Variants in STARD3 observed in about 807,000 individuals in gnomAD.
STARD3 encodes StAR related lipid transfer domain containing 3, also known as stAR-related lipid transfer protein 3.
STARD3 carries 39 observed loss-of-function variants against 62.0 expected under a neutral mutation model. The observed-to-expected ratio is 0.63, with a 90% confidence interval of 0.49 to 0.82. The LOEUF (loss-of-function observed/expected upper bound fraction) is 0.82, where lower values mean the gene tolerates loss of function less well. Among genes scored for constraint, STARD3 ranks in the 40% least tolerant of loss-of-function variants. The pLI is 0.00. For missense variants in STARD3, 543 were observed against 584.5 expected, an observed-to-expected ratio of 0.93 and a Z score of 0.73; for synonymous variants, 229 against 242.4, an observed-to-expected ratio of 0.94 and a Z score of 0.51.
At chr17:39,662,415 C>T in intron 14 of STARD3, 71 bp downstream of exon 14, 1 of 1,470,470 alleles carries the variant, frequency 6.8e-7, no homozygotes, top group Non-Finnish European at 9.4e-7. Flanking sequence ...TTGGTTGCTG[C>T]ATGACTTTGG....
chr17:39,660,324 C>T lies in STARD3; in HGVS notation c.858+51C>T, dbSNP rs2057181823. 1.2e-6 allele frequency: 2 copies of T among 1,612,972 alleles called. No homozygotes were observed. Among genetic ancestry groups the T allele is most frequent in the Non-Finnish European group, 1.7e-6 (2 of 1,179,420 alleles). On this transcript the variant is annotated intron_variant, in intron 10 of 14. Transcript: ENST00000336308. This position sits in a 1 kb window ranked among gnomAD's most constrained non-coding sequence, Gnocchi z 4.8. ...GAGCCCCAGACAGCACAGGAGGCTC[C>T]AGGAAGGTGCCGAGGGGCCCTCTGG...
chr17:39,650,669 C>T (rs1207415404), intron 1 of STARD3, among the ~76,000 whole-genome samples: 1 of 152,090 alleles, frequency 6.6e-6, no homozygotes, highest in Non-Finnish European at 1.5e-5. Context: ...AATGAATTAG[C>T]CTGGTGTGGT....
At chr17:39,653,342 T>G in intron 1 of STARD3, 139 bp from the exon 2 acceptor site, 1 of 624,688 alleles carries the variant, frequency 1.6e-6, no homozygotes, top group Non-Finnish European at 2.8e-6. Flanking sequence ...GTGGAGGACA[T>G]TTGGGCAACA....
chr17:39,662,602 C>G, intron 14 of STARD3: 4 of 640,092 alleles, frequency 6.2e-6, no homozygotes, highest in Non-Finnish European at 1.1e-5. Flanking sequence ...CCGGCCCCAC[C>G]CTGGTCTGTT....
At position 39,660,929 on chromosome 17, in the gene STARD3, C is replaced by T; in HGVS notation, c.1034+40C>T. ...GGCCCCCTCCTTTCAGCCAGGTCTTCTGCACTTTGGCCTTGGGTCATTGTC... is the reference window on the plus strand; with the variant it reads ...GGCCCCCTCCTTTCAGCCAGGTCTTTTGCACTTTGGCCTTGGGTCATTGTC... On this transcript the variant is annotated intron_variant, in intron 12 of 14. Coordinates refer to ENST00000336308, the MANE Select transcript of STARD3 (RefSeq NM_006804.4). This position sits in a 1 kb window ranked among gnomAD's most constrained non-coding sequence, Gnocchi z 4.8. 6.2e-7 allele frequency: 1 copy of T among 1,610,126 alleles called. No homozygotes were observed. Among genetic ancestry groups the T allele is most frequent in the South Asian group, 1.1e-5 (1 of 90,926 alleles).
Position 39,662,704 on chromosome 17 carries a change from C to T in STARD3, c.1234-100C>T, listed in dbSNP as rs2057213389. ...ACCCAGGCTGGATTCCAGAGCTGCA[C>T]CTGCATTCTGGCCCAGAGCCCCCCT... is the stretch of plus-strand genomic sequence containing the variant. On this transcript the variant is annotated intron_variant, in intron 14 of 14. Coordinates refer to ENST00000336308, the MANE Select transcript of STARD3 (RefSeq NM_006804.4). 7.7e-6 allele frequency: 9 copies of T among 1,163,866 alleles called. No individual in the cohort carries two copies. In the East Asian group the frequency reaches 2.0e-4, roughly 26 times the overall value. 72.1% of individuals were successfully genotyped at this position (1,163,866 alleles called of 1,614,324 possible). A position where few individuals can be genotyped will look rare whatever the true frequency, so the allele number is the denominator to read the frequency against.
At position 39,663,091 on chromosome 17, in the gene STARD3, G is replaced by C. The variant is rs558215495; in HGVS notation, c.*183G>C. The C allele has an allele frequency of 5.0e-5, 29 of 574,648 alleles. No individual in the cohort carries two copies. The highest frequency in any genetic ancestry group is 7.4e-5 in the Non-Finnish European group (26 of 349,754). The allele number at this position is 574,648 out of a possible 1,614,324, so 35.6% of individuals were successfully genotyped here. A position where few individuals can be genotyped will look rare whatever the true frequency, so the allele number is the denominator to read the frequency against. On this transcript the variant is annotated 3_prime_UTR_variant, in exon 15 of 15. Transcript: ENST00000336308. The stretch of plus-strand genomic sequence containing the variant: ...GCTGTGGGGTGGAGCACTGGACTCC[G>C]GGGCCCCACTGGCTGGAGGAAGTGG...
chr17:39,654,656 C>T (rs1047474698), intron 2 of STARD3, among the ~76,000 whole-genome samples: 1 of 152,208 alleles, frequency 6.6e-6, no homozygotes, highest in Non-Finnish European at 1.5e-5. Flanking sequence ...AGTTCTGTCC[C>T]AGCTCCTCCT....
In STARD3 at chr17:39,658,836, TGG is replaced by T; in HGVS notation, c.646+20_646+21del. On this transcript the variant is annotated intron_variant, in intron 7 of 14. Transcript: ENST00000336308. ...TCCTTTGCAGGTGAGGGCTGGTGTG[TGG>T]GGGAACTGCTTTCAGGGAGGGGCCT... is the stretch of plus-strand genomic sequence containing the variant. 6.2e-7 allele frequency: 1 copy of T among 1,612,856 alleles called. No homozygotes were observed. Among genetic ancestry groups the T allele is most frequent in the Middle Eastern group, 1.7e-4 (1 of 6,058 alleles).
chr17:39,658,084 T>C lies in STARD3; in HGVS notation c.429+58T>C, dbSNP rs1479331581. The C allele has an allele frequency of 2.0e-6, 3 of 1,519,656 alleles. 1 individual carries two copies. In the South Asian group the frequency reaches 3.6e-5, roughly 18 times the overall value. 94.1% of individuals were successfully genotyped at this position (1,519,656 alleles called of 1,614,324 possible). Reference sequence around the variant, plus strand: ...GCATCAGACCTGAGTGGTATGCTTCTAGAGAGGAGCATTTCTCTAATTTGG... The same window carrying C: ...GCATCAGACCTGAGTGGTATGCTTCCAGAGAGGAGCATTTCTCTAATTTGG... On this transcript the variant is annotated intron_variant, in intron 5 of 14. Coordinates refer to ENST00000336308, the MANE Select transcript of STARD3 (RefSeq NM_006804.4).
rs374796200 is a variant in STARD3 at position 39,660,797 on chromosome 17, T to C, written c.955-13T>C. 96 of 1,568,152 alleles carry C rather than the reference T, an allele frequency of 6.1e-5. No homozygotes were observed. In the African/African-American group the frequency reaches 1.3e-3, roughly 20 times the overall value. The stretch of plus-strand genomic sequence containing the variant: ...GGCGACCTGTTCCAAAAGTCTCCGT[T>C]GACGGCCCTCAGATCCTGCAGCGAG... On this transcript the variant is annotated splice_polypyrimidine_tract_variant and intron_variant, in intron 11 of 14. Transcript: ENST00000336308. This position sits in a 1 kb window ranked among gnomAD's most constrained non-coding sequence, Gnocchi z 4.8.
rs748542443 is a variant in STARD3, at chr17:39,662,849, A to G, written c.1279A>G (p.Met427Val). 2 of 1,612,330 alleles carry G rather than the reference A, an allele frequency of 1.2e-6. No homozygotes were observed. The highest frequency in any genetic ancestry group is 1.7e-5 in the Admixed American group (1 of 59,874). Residue 427 changes from methionine to valine, a missense_variant, in exon 15 of 15, where the codon ATG (methionine) becomes GTG (valine). Met to Val is a conservative substitution (Grantham distance 21). Transcript: ENST00000336308. The stretch of plus-strand genomic sequence containing the variant: ...CATCCACCAGAGCCTCGCGGCCACC[A>G]TGTTTGAATTTGCCTTTCACCTGCG... ...YLIHQSLAAT[M>V]FEFAFHLRQR...
At chr17:39,639,995 C>T (rs944224662) in intron 1 of STARD3, among the ~76,000 whole-genome samples, 1 of 152,214 alleles carries the variant, frequency 6.6e-6, no homozygotes, top group Non-Finnish European at 1.5e-5. Flanking sequence ...CTGATCACAG[C>T]ATGGTATTAT....
In STARD3 at chr17:39,663,273, A is replaced by G. The variant is rs2057221820; in HGVS notation, c.*365A>G. The G allele has an allele frequency of 5.0e-6, 2 of 396,522 alleles. No homozygotes were observed. The highest frequency in any genetic ancestry group is 4.4e-5 in the Admixed American group (1 of 22,664). 24.6% of individuals were successfully genotyped at this position (396,522 alleles called of 1,614,324 possible). On this transcript the variant is annotated 3_prime_UTR_variant, in exon 15 of 15. Transcript: ENST00000336308. ...AGGGCAGCCTGTCACCCGTGTGAAG[A>G]TGAAGGGGCTCTTCATCTGCCTGCG...
rs200708532 is a variant in STARD3 at position 39,661,070 on chromosome 17, C to T, written c.1124C>T (p.Thr375Met). Residue 375 changes from threonine to methionine, a missense_variant, in exon 13 of 15, where the codon ACG (threonine) becomes ATG (methionine). By Grantham distance (81) the Thr-to-Met change is moderately conservative (BLOSUM62 -1). Transcript: ENST00000336308. Reference sequence around the variant, plus strand: ...ACCTCACACAGTGCCAAGCCCCCGACGCACAAATATGTCCGGTGAGCCTCA... The same window carrying T: ...ACCTCACACAGTGCCAAGCCCCCGATGCACAAATATGTCCGGTGAGCCTCA... ...IATSHSAKPPTHKYVRGENGP... is the reference protein window; with the variant it reads ...IATSHSAKPPMHKYVRGENGP... The T allele has an allele frequency of 5.0e-5, 80 of 1,613,570 alleles. No homozygotes were observed. The highest frequency in any genetic ancestry group is 4.9e-4 in the Middle Eastern group (3 of 6,078).
intron 1 of STARD3, among the ~76,000 whole-genome samples, chr17:39,643,377 T>G (rs1567853858): frequency 6.6e-6 from 1 of 152,148 alleles, no homozygotes; most frequent in African/African-American, 2.4e-5. Flanking sequence ...TCGGCTCCGC[T>G]CTGCCTCTTC....
At position 39,660,450 on chromosome 17, in the gene STARD3, C is replaced by T. The variant is rs376382705; in HGVS notation, c.878C>T (p.Ala293Val). 35 of 1,613,768 alleles carry T rather than the reference C, an allele frequency of 2.2e-5. No homozygotes were observed. The highest frequency in any genetic ancestry group is 2.9e-5 in the Non-Finnish European group (34 of 1,180,028). Residue 293 changes from alanine to valine, a missense_variant, in exon 11 of 15, where the codon GCG (alanine) becomes GTG (valine). Physicochemically the swap from Ala to Val is moderately conservative, Grantham distance 64. Coordinates refer to ENST00000336308, the MANE Select transcript of STARD3 (RefSeq NM_006804.4). This position sits in a 1 kb window ranked among gnomAD's most constrained non-coding sequence, Gnocchi z 4.8. ...TCCCAGACCTTCCTGCCCTGTCCTG[C>T]GGAGCTCGTGTACCAGGAGGTGATC... Reference protein sequence around the residue: ...FILKTFLPCPAELVYQEVILQ... With the variant: ...FILKTFLPCPVELVYQEVILQ...
rs2057149431 is a variant in STARD3 at position 39,658,023 on chromosome 17, T to G, written c.426T>G (p.Ser142=). The G allele has an allele frequency of 1.3e-6, 2 of 1,558,788 alleles. No homozygotes were observed. Among genetic ancestry groups the G allele is most frequent in the African/African-American group, 2.7e-5 (2 of 74,124 alleles). The change falls in exon 5 of 15, where the codon TCT becomes TCG. Residue 142 remains serine (S), a synonymous_variant. Transcript: ENST00000336308. ...SAFLIVKVIL[S]ELLSKGAFGY... is the part of the protein sequence containing the mutation. ...TCCTCATTGTCAAGGTCATCCTCTCTGAGGTCAGTGGCTCAGGGTCTGGCC... is the reference window on the plus strand; with the variant it reads ...TCCTCATTGTCAAGGTCATCCTCTCGGAGGTCAGTGGCTCAGGGTCTGGCC...
intron 1 of STARD3, among the ~76,000 whole-genome samples, chr17:39,645,412 C>G (rs1405484376): frequency 6.6e-6 from 1 of 152,186 alleles, no homozygotes; most frequent in African/African-American, 2.4e-5. Flanking sequence ...TATTACATGT[C>G]ACTATAGTGT....
Sources: allele counts gnomAD v4.1 joint callset (sites outside exome capture counted in the v4.1 genomes callset), GRCh38; gene constraint gnomAD v4.1.1; non-coding constraint Gnocchi (gnomAD v3.1); transcripts MANE v1.5; gene names NCBI Gene and HGNC (gene_info 2026-07-23, HGNC 2026-07-21).